The following LRMDA variants were observed in gnomAD, a reference collection of about 807,000 sequenced individuals.
LRMDA encodes the protein leucine rich melanocyte differentiation associated, also known as leucine-rich melanocyte differentiation-associated protein.
In LRMDA, 18 loss-of-function variants were observed where a neutral mutation model predicts 29.8. The observed-to-expected ratio is 0.60, with a 90% CI of 0.42 to 0.90. LRMDA has a LOEUF of 0.90. Among genes scored for constraint, LRMDA ranks in the 40% least tolerant of loss-of-function variants. LRMDA has a pLI of 0.00. For missense variants in LRMDA, 273 were observed against 273.9 expected, an observed-to-expected ratio of 1.00 and a Z score of 0.02; for synonymous variants, 125 against 109.4, an observed-to-expected ratio of 1.14 and a Z score of -0.89.
chr10:76,116,238 A>G (rs1031645434), intron 5 of LRMDA, among the ~76,000 whole-genome samples: 1 of 152,144 alleles, frequency 6.6e-6, no homozygotes, highest in African/African-American at 2.4e-5. Flanking sequence ...TGGGGCCAAC[A>G]CCTATACATT....
chr10:76,537,215 C>A (rs1445082822), intron 6 of LRMDA, among the ~76,000 whole-genome samples: 1 of 152,226 alleles, frequency 6.6e-6, no homozygotes, highest in African/African-American at 2.4e-5. Context: ...CCCTGCCCCA[C>A]AACATGAATC....
chr10:76,418,053 T>C (rs1173197054), intron 6 of LRMDA, among the ~76,000 whole-genome samples: 1 of 152,202 alleles, frequency 6.6e-6, no homozygotes, highest in Non-Finnish European at 1.5e-5. Flanking sequence ...TACAGTTTTA[T>C]AATAATGTCT....
intron 2 of LRMDA, among the ~76,000 whole-genome samples, chr10:75,463,489 G>A (rs1397399337): frequency 6.7e-6 from 1 of 149,288 alleles, no homozygotes; most frequent in Non-Finnish European, 1.5e-5. Flanking sequence ...TGTTCTGGAT[G>A]ATTTTTTTTT....
At chr10:75,851,250 T>G (rs1013819359) in intron 2 of LRMDA, among the ~76,000 whole-genome samples, 1 of 152,210 alleles carries the variant, frequency 6.6e-6, no homozygotes, top group African/African-American at 2.4e-5. Flanking sequence ...TATTTTAATA[T>G]TACGATAATA....
intron 5 of LRMDA, among the ~76,000 whole-genome samples, chr10:76,083,621 G>T (rs1268084534): frequency 6.6e-6 from 1 of 152,140 alleles, no homozygotes; most frequent in Non-Finnish European, 1.5e-5. Flanking sequence ...CTGAGATCAG[G>T]AGTTCGAGAC....
rs936684281 is a variant in LRMDA at position 76,340,095 on chromosome 10, T to C, written c.601+15610T>C. Reference sequence around the variant, plus strand: ...AATGCATTTAAAAAATAGTACTTCCTGACCAAGTAGGGTTTATCTCAATAT... The same window carrying C: ...AATGCATTTAAAAAATAGTACTTCCCGACCAAGTAGGGTTTATCTCAATAT... On this transcript the variant is annotated intron_variant, in intron 6 of 6. Coordinates refer to ENST00000611255, the MANE Select transcript of LRMDA (RefSeq NM_001305581.2). Among the ~76,000 whole-genome samples the C allele has an allele frequency of 9.2e-5, 14 of 152,294 alleles. 1 individual carries two copies. Among genetic ancestry groups the C allele is most frequent in the African/African-American group, 3.4e-4 (14 of 41,568 alleles).
chr10:75,883,738 C>G (rs537067217), intron 2 of LRMDA, among the ~76,000 whole-genome samples: 1 of 151,730 alleles, frequency 6.6e-6, no homozygotes, highest in African/African-American at 2.4e-5. Context: ...GGGAGAGGAT[C>G]ATTATATTCA....
chr10:76,033,972 A>G (rs1327115781), intron 2 of LRMDA, among the ~76,000 whole-genome samples: 1 of 151,644 alleles, frequency 6.6e-6, no homozygotes, highest in Admixed American at 6.6e-5. Context: ...GAATAAAAGG[A>G]GGAAGGAAAA....
intron 5 of LRMDA, among the ~76,000 whole-genome samples, chr10:76,151,532 T>C (rs1009396621): frequency 6.6e-6 from 1 of 152,228 alleles, no homozygotes; most frequent in Non-Finnish European, 1.5e-5. Context: ...GCCTGGCACA[T>C]ATCAGGGGCC....
intron 2 of LRMDA, among the ~76,000 whole-genome samples, chr10:75,772,872 G>T (rs895139030): frequency 7.8e-6 from 1 of 127,840 alleles, no homozygotes; most frequent in Non-Finnish European, 1.7e-5. Context: ...GGTGGGATGG[G>T]GGGGGGCAGA....
intron 5 of LRMDA, chr10:76,270,274 A>G (rs548635596): frequency 6.6e-6 from 1 of 152,362 alleles, no homozygotes; most frequent in East Asian, 1.9e-4. Flanking sequence ...AGCTATTTTC[A>G]CTAGGATGCC....
intron 2 of LRMDA, among the ~76,000 whole-genome samples, chr10:75,768,002 C>T (rs1843191261): frequency 6.6e-6 from 1 of 152,182 alleles, no homozygotes; most frequent in African/African-American, 2.4e-5. Context: ...CTGCAGGCAG[C>T]AGGAGCTGGA....
At chr10:76,312,996 G>A (rs1304109792) in intron 5 of LRMDA, among the ~76,000 whole-genome samples, 1 of 152,018 alleles carries the variant, frequency 6.6e-6, no homozygotes, top group Non-Finnish European at 1.5e-5. Flanking sequence ...ATGAGCAGTG[G>A]CTAAGATGGT....
intron 6 of LRMDA, among the ~76,000 whole-genome samples, chr10:76,431,257 G>C (rs117495273): frequency 6.6e-6 from 1 of 152,088 alleles, no homozygotes; most frequent in Non-Finnish European, 1.5e-5. Flanking sequence ...TGTTTGAGGC[G>C]GGCTGATGCA....
intron 2 of LRMDA, among the ~76,000 whole-genome samples, chr10:75,925,894 G>T (rs1055335011): frequency 2.0e-5 from 3 of 151,964 alleles, no homozygotes; most frequent in Non-Finnish European, 4.4e-5. Flanking sequence ...TACTGACCTC[G>T]TATAATCTGG....
At chr10:76,201,179 C>T (rs952437935) in intron 5 of LRMDA, among the ~76,000 whole-genome samples, 1 of 149,624 alleles carries the variant, frequency 6.7e-6, no homozygotes, top group African/African-American at 2.5e-5. Context: ...TCCCCGTAAC[C>T]TCTACCTCCT....
rs539369683 is a variant in LRMDA, at chr10:76,246,416, T to C, written c.517-77985T>C. 2.1e-4 allele frequency among the ~76,000 whole-genome samples: 32 copies of C among 152,314 alleles called. 1 individual carries two copies. The South Asian group carries it at 6.4e-3, about 31-fold the overall frequency. ...TTCCCACACCTCCTCTCATGTCTCA[T>C]GGCTAACAACCTGTTTTCTTCTGCA... On this transcript the variant is annotated intron_variant, in intron 5 of 6. Transcript: ENST00000611255.
rs532043460 is a variant in LRMDA, at chr10:76,203,302, A to T, written c.517-121099A>T. On this transcript the variant is annotated intron_variant, in intron 5 of 6. Coordinates refer to ENST00000611255, the MANE Select transcript of LRMDA (RefSeq NM_001305581.2). ...TGGAGCAAATAATTTCAAAGGGTTT[A>T]AAAAAAATGTTTTTGAATAGAGACT... Among the ~76,000 whole-genome samples, 16 of 152,102 alleles carry T rather than the reference A, an allele frequency of 1.1e-4. No homozygotes were observed. The South Asian group carries it at 1.2e-3, about 12-fold the overall frequency.
At chr10:75,930,926 G>T (rs1846195460) in intron 2 of LRMDA, among the ~76,000 whole-genome samples, 1 of 152,164 alleles carries the variant, frequency 6.6e-6, no homozygotes, top group Admixed American at 6.6e-5. Flanking sequence ...TCCCAGTACT[G>T]GGACATTTGC....
Sources: allele counts gnomAD v4.1 joint callset (sites outside exome capture counted in the v4.1 genomes callset), GRCh38; gene constraint gnomAD v4.1.1; transcripts MANE v1.5; gene names NCBI Gene and HGNC (gene_info 2026-07-23, HGNC 2026-07-21).